UBR4: variants seen among roughly 807,000 people sequenced by gnomAD.
UBR4 encodes the protein ubiquitin protein ligase E3 component n-recognin 4, also known as E3 ubiquitin-protein ligase UBR4.
In UBR4, 124 loss-of-function variants were observed where a neutral mutation model predicts 575.6. The observed-to-expected ratio is 0.22, with a 90% CI of 0.19 to 0.25. UBR4 has a LOEUF of 0.25. Among genes scored for constraint, UBR4 ranks in the 10% least tolerant of loss-of-function variants. The probability of loss-of-function intolerance (pLI) is 1.00; values close to 1 mark genes in which losing one functional copy is unlikely to be tolerated. For synonymous variants in UBR4, 2,455 were observed against 2,473.7 expected, an observed-to-expected ratio of 0.99 and a Z score of 0.22; for missense variants, 4,818 against 6,478.8, an observed-to-expected ratio of 0.74 and a Z score of 8.80.
At chr1:19,207,532 G>A (rs1207660666) in intron 1 of UBR4, among the ~76,000 whole-genome samples, 1 of 152,210 alleles carries the variant, frequency 6.6e-6, no homozygotes, top group Non-Finnish European at 1.5e-5. Context: ...GGGAGGCTGA[G>A]GCACGAGAAT....
At position 19,167,144 on chromosome 1, in the gene UBR4, G is replaced by A. The variant is rs540451150; in HGVS notation, c.3987C>T (p.Ile1329=). The change falls in exon 29 of 106, where the codon ATC becomes ATT. Residue 1329 remains isoleucine, a synonymous_variant. Transcript: ENST00000375254. ...AGATGCGTTCCAGGGAGTTGCTACT[G>A]ATCTCGGCAACACTCTCAGTGCTTG... is the stretch of plus-strand genomic sequence containing the variant. ...LESSTESVAE[I]SSNSLERILG... is the part of the protein sequence containing the mutation. 58 of 1,614,198 alleles carry A rather than the reference G, an allele frequency of 3.6e-5. No individual in the cohort carries two copies. The Admixed American group carries it at 6.2e-4, about 17-fold the overall frequency.
At chr1:19,121,065 C>G in intron 68 of UBR4, 124 bp downstream of exon 68, 1 of 1,359,856 alleles carries the variant, frequency 7.4e-7, no homozygotes. Context: ...CACTAGAGAA[C>G]ATTTGGGCTT....
At chr1:19,101,458 G>A (rs752107544) in intron 88 of UBR4, 62 bp downstream of exon 88, 5 of 1,544,524 alleles carry the variant, frequency 3.2e-6, no homozygotes, top group East Asian at 2.3e-5. Flanking sequence ...TCACCAAGAG[G>A]CTTCATGGCA....
chr1:19,081,108 T>C (rs1212899257), intron 103 of UBR4: 2 of 451,244 alleles, frequency 4.4e-6, no homozygotes, highest in African/African-American at 3.9e-5. Flanking sequence ...TAACATTTTC[T>C]ACAGTAGGTA....
intron 11 of UBR4, among the ~76,000 whole-genome samples, chr1:19,190,129 A>C (rs1317730974): frequency 6.7e-6 from 1 of 149,570 alleles, no homozygotes; most frequent in Non-Finnish European, 1.5e-5. Flanking sequence ...TCTATTAAAA[A>C]TACAAAAAAA....
chr1:19,186,727 CATA>C, intron 13 of UBR4, 70 bp from the exon 14 acceptor site: 1 of 1,459,926 alleles, frequency 6.8e-7, no homozygotes. Context: ...AAACTTTCTC[CATA>C]ATCTCTTTTA....
intron 105 of UBR4, among the ~76,000 whole-genome samples, chr1:19,076,043 T>G (rs151234877): frequency 9.6e-4 from 146 of 152,352 alleles, no homozygotes; most frequent in African/African-American, 3.3e-3. Context: ...GGGCACTGTC[T>G]TTTAACCCTA....
intron 8 of UBR4, among the ~76,000 whole-genome samples, chr1:19,193,789 C>A: frequency 6.6e-6 from 1 of 152,136 alleles, no homozygotes; most frequent in Non-Finnish European, 1.5e-5. Flanking sequence ...ACACACTACA[C>A]ACGAATGTCC....
rs746548067 is a variant in UBR4, at chr1:19,170,632, C to T, written c.3643+130G>A. 70 of 1,270,776 alleles carry T rather than the reference C, an allele frequency of 5.5e-5. 1 individual carries two copies. The highest frequency in any genetic ancestry group is 7.3e-5 in the Non-Finnish European group (67 of 919,094). 78.7% of individuals were successfully genotyped at this position (1,270,776 alleles called of 1,614,324 possible). A position where few individuals can be genotyped will look rare whatever the true frequency, so the allele number is the denominator to read the frequency against. ...TGAAGATCAAAATAGACAAACCTAC[C>T]TAAATGCTTGATACACAAAAAGGCT... is the stretch of plus-strand genomic sequence containing the variant. On this transcript the variant is annotated intron_variant, in intron 26 of 105. Transcript: ENST00000375254.
intron 33 of UBR4, 104 bp from the exon 34 acceptor site, chr1:19,163,931 G>A (rs2087835631): frequency 3.2e-6 from 4 of 1,248,432 alleles, no homozygotes; most frequent in Admixed American, 1.8e-5. Context: ...TGAGGACACT[G>A]TGAAGCAGAA....
intron 28 of UBR4, 97 bp from the exon 29 acceptor site, chr1:19,167,328 G>T: frequency 7.3e-7 from 1 of 1,370,088 alleles, no homozygotes; most frequent in Non-Finnish European, 1.0e-6. Flanking sequence ...GGGGAAGAGG[G>T]GAAGGGGAAT....
At chr1:19,203,252 G>C (rs2092836451) in intron 1 of UBR4, among the ~76,000 whole-genome samples, 1 of 151,972 alleles carries the variant, frequency 6.6e-6, no homozygotes, top group Non-Finnish European at 1.5e-5. Flanking sequence ...TGTAATCCCA[G>C]CAGTTTGGGA....
Position 19,100,327 on chromosome 1 carries a change from A to C in UBR4, c.13221+49T>G, listed in dbSNP as rs1570457077. 6.2e-7 allele frequency: 1 copy of C among 1,605,212 alleles called. No individual in the cohort carries two copies. The highest frequency in any genetic ancestry group is 8.5e-7 in the Non-Finnish European group (1 of 1,173,354). On this transcript the variant is annotated intron_variant, in intron 89 of 105. Transcript: ENST00000375254. This position sits in a 1 kb window ranked among gnomAD's most constrained non-coding sequence, Gnocchi z 4.2. ...AGCACCTGGATTTGGTTAGCCTAGG[A>C]GGAAGCCCCTAATCGTAAACGTGGG... is the stretch of plus-strand genomic sequence containing the variant.
intron 94 of UBR4, among the ~76,000 whole-genome samples, chr1:19,094,427 A>C (rs917029302): frequency 1.3e-5 from 2 of 152,228 alleles, no homozygotes; most frequent in African/African-American, 4.8e-5. Context: ...TCACTTGGTC[A>C]TAGCTCTAGC....
intron 66 of UBR4, 83 bp from the exon 67 acceptor site, chr1:19,122,095 TC>T: frequency 7.0e-7 from 1 of 1,418,540 alleles, no homozygotes; most frequent in Non-Finnish European, 9.9e-7. Flanking sequence ...TGGAGCCATC[TC>T]CCTGACTTTG....
chr1:19,180,043 T>C (rs2090726174), intron 17 of UBR4, among the ~76,000 whole-genome samples: 2 of 152,156 alleles, frequency 1.3e-5, no homozygotes, highest in Non-Finnish European at 2.9e-5. Flanking sequence ...TTACCATAGG[T>C]TGAGCTAAAT....
chr1:19,204,571 C>T (rs1037590032), intron 1 of UBR4, among the ~76,000 whole-genome samples: 1 of 151,518 alleles, frequency 6.6e-6, no homozygotes, highest in Non-Finnish European at 1.5e-5. Context: ...CATTTAATTG[C>T]CTGGTTCAGT....
At chr1:19,163,716 G>A (rs2087787087) in intron 34 of UBR4, 48 bp downstream of exon 34, 3 of 1,571,764 alleles carry the variant, frequency 1.9e-6, no homozygotes, top group South Asian at 2.2e-5. Flanking sequence ...ACAGAGGTGA[G>A]AATCACCTTT....
chr1:19,183,699 G>T (rs879613061), intron 17 of UBR4, 112 bp downstream of exon 17: 38 of 1,114,500 alleles, frequency 3.4e-5, no homozygotes, highest in Non-Finnish European at 4.9e-5. Context: ...TCCAGCCTGG[G>T]TAACAGAGCA....
Sources: gnomAD v4.1 joint callset for allele counts (sites outside exome capture counted in the v4.1 genomes callset) on GRCh38, gnomAD v4.1.1 for gene constraint, Gnocchi (gnomAD v3.1) non-coding constraint, MANE v1.5 for transcripts, NCBI Gene and HGNC (gene_info 2026-07-23, HGNC 2026-07-21) for gene names.